KCNC4: variants seen among roughly 807,000 people sequenced by gnomAD.
The protein encoded by KCNC4 is voltage-gated potassium channel KCNC4.
A neutral mutation model predicts 42.8 loss-of-function variants in KCNC4; 23 were observed. The observed-to-expected ratio is 0.54, with a 90% CI of 0.39 to 0.76. The LOEUF is 0.76. Among genes scored for constraint, KCNC4 ranks in the 30% least tolerant of loss-of-function variants. KCNC4 has a pLI of 0.00. For missense variants in KCNC4, 751 were observed against 898.2 expected, an observed-to-expected ratio of 0.84 and a Z score of 2.10; for synonymous variants, 422 against 393.5, an observed-to-expected ratio of 1.07 and a Z score of -0.86.
chr1:110,263,927 C>T (rs1659496935), intron 1 of KCNC4, among the ~76,000 whole-genome samples: 1 of 152,038 alleles, frequency 6.6e-6, no homozygotes, highest in South Asian at 2.1e-4. Flanking sequence ...CCCCATTCTC[C>T]CTGGTCAAAT....
rs1168035396 is a variant in KCNC4 at position 110,223,550 on chromosome 1, A to G, written c.1265A>G (p.Asn422Ser). Residue 422 changes from asparagine to serine, a missense_variant, in exon 2 of 4, where the codon AAC (asparagine) becomes AGC (serine). Transcript: ENST00000438661. The surrounding 1 kb of genome is among the most constrained non-coding windows in gnomAD (Gnocchi z 7.5). ...PRGNDHTDFK[N>S]IPIGFWWAVV... ...GGTAATGACCACACCGACTTCAAGA[A>G]CATCCCCATTGGCTTCTGGTGGGCT... is the stretch of plus-strand genomic sequence containing the variant. 6.2e-7 allele frequency: 1 copy of G among 1,613,854 alleles called. No homozygotes were observed. The highest frequency in any genetic ancestry group is 8.5e-7 in the Non-Finnish European group (1 of 1,180,030).
chr1:110,250,903 A>G (rs893018798), downstream of KCNC4, among the ~76,000 whole-genome samples: 4 of 152,130 alleles, frequency 2.6e-5, no homozygotes, highest in African/African-American at 9.7e-5. Flanking sequence ...AAGCCCATGG[A>G]CTGCCTTAAA....
At chr1:110,213,106 C>G (rs1355347118) in intron 1 of KCNC4, among the ~76,000 whole-genome samples, 1 of 144,124 alleles carries the variant, frequency 6.9e-6, no homozygotes, top group African/African-American at 2.6e-5. Flanking sequence ...AATCCAGTTT[C>G]CCTAACTCCT....
chr1:110,241,323 T>C (rs11102068), exon 4 of KCNC4: 59,703 of 151,924 alleles, frequency 0.39, 11,938 homozygotes, highest in Admixed American at 0.46. Flanking sequence ...AAGAAAGTAT[T>C]TTGTGTCAGT....
chr1:110,273,105 T>C lies in KCNC4; in HGVS notation n.31-9429T>C, dbSNP rs554725443. Among the ~76,000 whole-genome samples the C allele has an allele frequency of 7.0e-4, 106 of 152,274 alleles. 2 individuals are homozygous for C. In the South Asian group the frequency reaches 0.021, roughly 30 times the overall value. ...GGAAAGCTTCACCTCTGTAACTGCATATAATGTTTCCTGGAGAAAAATGGA... is the reference window on the plus strand; with the variant it reads ...GGAAAGCTTCACCTCTGTAACTGCACATAATGTTTCCTGGAGAAAAATGGA... On this transcript the variant is annotated intron_variant and non_coding_transcript_variant, in intron 1 of 2. Coordinates refer to the KCNC4 transcript ENST00000412512.
Position 110,223,368 on chromosome 1 carries a change from A to G in KCNC4, c.1083A>G (p.Thr361=). ...FVRILRIFKL[T]RHFVGLRVLG... is the part of the protein sequence containing the mutation. The stretch of plus-strand genomic sequence containing the variant: ...GCATCCTGCGTATCTTCAAGCTCAC[A>G]CGCCACTTCGTGGGGCTACGCGTGC... Residue 361 remains threonine, a synonymous_variant, in exon 2 of 4, where the codon ACA becomes ACG. Transcript: ENST00000438661. This position sits in a 1 kb window ranked among gnomAD's most constrained non-coding sequence, Gnocchi z 7.5. 6.2e-7 allele frequency: 1 copy of G among 1,613,802 alleles called. No homozygotes were observed. The highest frequency in any genetic ancestry group is 8.5e-7 in the Non-Finnish European group (1 of 1,179,846).
At chr1:110,279,173 A>G (rs916851127) in intron 1 of KCNC4, among the ~76,000 whole-genome samples, 1 of 152,192 alleles carries the variant, frequency 6.6e-6, no homozygotes, top group African/African-American at 2.4e-5. Flanking sequence ...CACCCATGGC[A>G]GACATCACTA....
chr1:110,240,360 T>G (rs1382441303), exon 4 of KCNC4: 2 of 152,070 alleles, frequency 1.3e-5, no homozygotes, highest in Non-Finnish European at 2.9e-5. Context: ...AGCCCAGGAT[T>G]CCTTAACCTG....
At chr1:110,230,662 C>A (rs1441313077) in intron 3 of KCNC4, among the ~76,000 whole-genome samples, 1 of 152,220 alleles carries the variant, frequency 6.6e-6, no homozygotes, top group Non-Finnish European at 1.5e-5. Flanking sequence ...GCAGCATTGC[C>A]AGGCTGGAGC....
chr1:110,275,481 C>G (rs1258095015), intron 1 of KCNC4, among the ~76,000 whole-genome samples: 2 of 152,124 alleles, frequency 1.3e-5, no homozygotes, highest in Admixed American at 1.3e-4. Flanking sequence ...AATAGAACTA[C>G]CATTTGATCC....
exon 4 of KCNC4, chr1:110,242,414 A>G (rs1659049656): frequency 6.6e-6 from 1 of 152,290 alleles, no homozygotes; most frequent in Admixed American, 6.5e-5. Context: ...ATAAGTGGAC[A>G]TAGAAAAAGA....
At chr1:110,235,868 GT>G (rs1658893726), downstream of KCNC4, 2 of 152,242 alleles carry the variant, frequency 1.3e-5, no homozygotes, top group Admixed American at 6.5e-5. Context: ...TCCTTGTTGT[GT>G]GACCCTGGGC....
At position 110,223,623 on chromosome 1, in the gene KCNC4, G is replaced by A. The variant is rs755978329; in HGVS notation, c.1338G>A (p.Thr446=). ...TLGYGDMYPK[T]WSGMLVGALC... Reference sequence around the variant, plus strand: ...GCTACGGAGACATGTACCCCAAGACGTGGTCAGGCATGCTGGTAGGGGCAC... The same window carrying A: ...GCTACGGAGACATGTACCCCAAGACATGGTCAGGCATGCTGGTAGGGGCAC... Residue 446 remains threonine, a synonymous_variant, in exon 2 of 4, where the codon ACG becomes ACA. Coordinates refer to ENST00000438661, the MANE Select transcript of KCNC4 (RefSeq NM_001039574.3). This position sits in a 1 kb window ranked among gnomAD's most constrained non-coding sequence, Gnocchi z 7.5. 3.7e-6 allele frequency: 6 copies of A among 1,614,004 alleles called. No homozygotes were observed. The highest frequency in any genetic ancestry group is 2.2e-5 in the East Asian group (1 of 44,884).
chr1:110,215,772 A>G (rs1270543233), intron 1 of KCNC4, among the ~76,000 whole-genome samples: 1 of 152,236 alleles, frequency 6.6e-6, no homozygotes, highest in Non-Finnish European at 1.5e-5. Context: ...ACATCTGTGT[A>G]TCAGTATACA....
intron 1 of KCNC4, among the ~76,000 whole-genome samples, chr1:110,257,672 G>A (rs947207403): frequency 2.1e-5 from 3 of 143,746 alleles, no homozygotes; most frequent in African/African-American, 7.8e-5. Context: ...AGTAAGCCGA[G>A]ATCGCGCTAC....
At position 110,230,184 on chromosome 1, in the gene KCNC4, C is replaced by G. The variant is rs575037696; in HGVS notation, c.1820-2727C>G. On this transcript the variant is annotated intron_variant, in intron 3 of 3. Transcript: ENST00000438661. ...TGTTCAGAGTGGGCACTGGGATACC[C>G]CCACCCTGCAGTGGTTTGTGGGGCC... Among the ~76,000 whole-genome samples the G allele has an allele frequency of 1.1e-3, 172 of 152,326 alleles. 2 individuals are homozygous for G. Among genetic ancestry groups the G allele is most frequent in the Middle Eastern group, 6.8e-3 (2 of 294 alleles).
chr1:110,250,889 C>T (rs1659239094), downstream of KCNC4, among the ~76,000 whole-genome samples: 1 of 152,164 alleles, frequency 6.6e-6, no homozygotes, highest in Non-Finnish European at 1.5e-5. Context: ...GTTCCTGAAG[C>T]CTCAAGCCCA....
At position 110,271,171 on chromosome 1, in the gene KCNC4, T is replaced by C. The variant is rs72990564; in HGVS notation, n.31-11363T>C. On this transcript the variant is annotated intron_variant and non_coding_transcript_variant, in intron 1 of 2. Transcript: ENST00000412512. ...AAACTGAGCAAAGAGAAAAGAGAGG[T>C]TAAACCTTCAGAGGTGGGAAGGTTG... Among the ~76,000 whole-genome samples, 579 of 152,238 alleles carry C rather than the reference T, an allele frequency of 3.8e-3. 5 individuals carry two copies. The highest frequency in any genetic ancestry group is 0.013 in the African/African-American group (546 of 41,532).
chr1:110,232,707 C>G, intron 3 of KCNC4: 1 of 1,498,236 alleles, frequency 6.7e-7, no homozygotes, highest in Non-Finnish European at 8.9e-7. Context: ...GCCTTTTAGC[C>G]CTGGGTTCCT....
Sources: allele counts gnomAD v4.1 joint callset (sites outside exome capture counted in the v4.1 genomes callset), GRCh38; gene constraint gnomAD v4.1.1; non-coding constraint Gnocchi (gnomAD v3.1); transcripts MANE v1.5; gene names NCBI Gene and HGNC (gene_info 2026-07-23, HGNC 2026-07-21).